The following SLC41A2 variants were observed in gnomAD, a reference collection of about 807,000 sequenced individuals.
SLC41A2 encodes SLC41A1-like 1.
A neutral mutation model predicts 58.3 loss-of-function variants in SLC41A2; 32 were observed. That is an observed-to-expected ratio of 0.55 (90% CI 0.41 to 0.74). The LOEUF (loss-of-function observed/expected upper bound fraction) is 0.74. SLC41A2 is among the 30% of genes least tolerant of loss of function. The pLI is 0.00. For missense variants in SLC41A2, 514 were observed against 680.6 expected (o/e 0.76, Z 2.72); for synonymous variants, 190 against 235.0 (o/e 0.81, Z 1.75).
rs79787524 is a variant in SLC41A2 at position 104,823,973 on chromosome 12, A to G, written c.1537-18636T>C. Among the ~76,000 whole-genome samples, 366 of 152,348 alleles carry G rather than the reference A, an allele frequency of 2.4e-3. 1 individual carries two copies. Among genetic ancestry groups the G allele is most frequent in the African/African-American group, 8.3e-3 (344 of 41,588 alleles). ...GACAGATATTTTAATCTACTTCACT[A>G]TAGTAACCATTTTACTATCTATATG... On this transcript the variant is annotated intron_variant, in intron 10 of 10. Coordinates refer to ENST00000258538, the MANE Select transcript of SLC41A2 (RefSeq NM_001352171.3).
rs932142565 is a variant in SLC41A2, at chr12:104,804,939, C to T, written c.*213G>A. 1.0e-5 allele frequency: 4 copies of T among 385,998 alleles called. No homozygotes were observed. Among genetic ancestry groups the T allele is most frequent in the Admixed American group, 4.2e-5 (1 of 24,030 alleles). 23.9% of individuals were successfully genotyped at this position (385,998 alleles called of 1,614,324 possible). A position where few individuals can be genotyped will look rare whatever the true frequency, so the allele number is the denominator to read the frequency against. On this transcript the variant is annotated 3_prime_UTR_variant, in exon 11 of 11. Coordinates refer to ENST00000258538, the MANE Select transcript of SLC41A2 (RefSeq NM_001352171.3). The stretch of plus-strand genomic sequence containing the variant: ...TATATCTATGTCTATGTCAAATTAT[C>T]ATTTATTCTATGAAAAGCAGCACGA...
chr12:104,886,192 A>T, intron 6 of SLC41A2, 101 bp downstream of exon 6: 1 of 1,250,994 alleles, frequency 8.0e-7, no homozygotes, highest in Non-Finnish European at 1.1e-6. Flanking sequence ...CAGCAGTTCT[A>T]ATGCAAATGA....
intron 3 of SLC41A2, among the ~76,000 whole-genome samples, chr12:104,901,875 G>A (rs1217136923): frequency 1.3e-5 from 2 of 152,144 alleles, no homozygotes; most frequent in Non-Finnish European, 2.9e-5. Context: ...TGAGTAGACT[G>A]TATCTTATGA....
At chr12:104,953,665 A>G (rs1387579302) in intron 1 of SLC41A2, among the ~76,000 whole-genome samples, 1 of 152,198 alleles carries the variant, frequency 6.6e-6, no homozygotes, top group African/African-American at 2.4e-5. Flanking sequence ...AGGTAAATTA[A>G]GAAAGAACAG....
intron 3 of SLC41A2, among the ~76,000 whole-genome samples, chr12:104,895,667 G>A (rs1212669180): frequency 6.6e-6 from 1 of 152,084 alleles, no homozygotes; most frequent in Non-Finnish European, 1.5e-5. Flanking sequence ...CAAATTTTGT[G>A]TATTGAGGTC....
At chr12:104,875,465 TG>T (rs1444308970) in intron 6 of SLC41A2, among the ~76,000 whole-genome samples, 1 of 152,146 alleles carries the variant, frequency 6.6e-6, no homozygotes, top group African/African-American at 2.4e-5. Flanking sequence ...TGTCTTTGTC[TG>T]GAAAATTGGT....
At chr12:104,903,298 T>A (rs1217420106) in intron 3 of SLC41A2, among the ~76,000 whole-genome samples, 1 of 152,228 alleles carries the variant, frequency 6.6e-6, no homozygotes, top group Non-Finnish European at 1.5e-5. Context: ...CATTAACTCC[T>A]CTGTTTAAAA....
At chr12:104,887,183 T>A (rs991755563) in intron 5 of SLC41A2, among the ~76,000 whole-genome samples, 1 of 151,870 alleles carries the variant, frequency 6.6e-6, no homozygotes, top group African/African-American at 2.4e-5. Flanking sequence ...ATTAAGAGGA[T>A]GTAGTAAAGA....
chr12:104,933,197 T>C (rs529092343), intron 1 of SLC41A2, among the ~76,000 whole-genome samples: 1 of 151,598 alleles, frequency 6.6e-6, no homozygotes, highest in African/African-American at 2.4e-5. Flanking sequence ...AAACAAATGA[T>C]CCCATCAGAA....
chr12:104,922,459 A>G (rs2046642345), intron 2 of SLC41A2, among the ~76,000 whole-genome samples: 1 of 151,730 alleles, frequency 6.6e-6, no homozygotes, highest in Non-Finnish European at 1.5e-5. Flanking sequence ...TCAATTCAGC[A>G]AGAAGACATA....
chr12:104,821,924 A>G (rs71468232), intron 10 of SLC41A2, among the ~76,000 whole-genome samples: 4 of 152,232 alleles, frequency 2.6e-5, no homozygotes, highest in Non-Finnish European at 5.9e-5. Context: ...TTAGAATTTT[A>G]AAAGATATCA....
At chr12:104,907,783 T>G (rs931500663) in intron 3 of SLC41A2, among the ~76,000 whole-genome samples, 8 of 152,336 alleles carry the variant, frequency 5.3e-5, no homozygotes, top group Middle Eastern at 3.4e-3. Flanking sequence ...TAATAGTGCT[T>G]ATTCCATAGG....
intron 2 of SLC41A2, among the ~76,000 whole-genome samples, chr12:104,911,390 A>G (rs1325759920): frequency 6.6e-6 from 1 of 152,200 alleles, no homozygotes; most frequent in Non-Finnish European, 1.5e-5. Context: ...ACACATGATA[A>G]TGAAAATAAC....
intron 10 of SLC41A2, among the ~76,000 whole-genome samples, chr12:104,823,209 T>A (rs1046201960): frequency 1.3e-5 from 2 of 152,096 alleles, no homozygotes; most frequent in Admixed American, 1.3e-4. Flanking sequence ...GAGTAGAGAA[T>A]AAAAGGATGT....
intron 5 of SLC41A2, 124 bp downstream of exon 5, chr12:104,888,909 G>T: frequency 9.8e-7 from 1 of 1,017,478 alleles, no homozygotes; most frequent in South Asian, 2.1e-5. Flanking sequence ...CATTTTTTAA[G>T]TTTGTAGATA....
At chr12:104,856,629 T>G (rs1386617534) in intron 8 of SLC41A2, among the ~76,000 whole-genome samples, 1 of 152,148 alleles carries the variant, frequency 6.6e-6, no homozygotes, top group Non-Finnish European at 1.5e-5. Context: ...CCGGAAAAGT[T>G]AAAATAATTG....
At chr12:104,815,230 A>AT (rs1269454483) in intron 10 of SLC41A2, among the ~76,000 whole-genome samples, 2 of 152,190 alleles carry the variant, frequency 1.3e-5, no homozygotes, top group African/African-American at 2.4e-5. Flanking sequence ...TAAATGCAAC[A>AT]TTTTTTGTTT....
chr12:104,863,346 G>C (rs1215395036), intron 7 of SLC41A2, among the ~76,000 whole-genome samples: 1 of 152,062 alleles, frequency 6.6e-6, no homozygotes. Context: ...GAGGCAGGAG[G>C]GTTGTTTGAG....
intron 10 of SLC41A2, among the ~76,000 whole-genome samples, chr12:104,834,677 G>T (rs2042148873): frequency 6.7e-6 from 1 of 149,792 alleles, no homozygotes; most frequent in African/African-American, 2.5e-5. Flanking sequence ...TTAGCATCAT[G>T]ATTTAAAAAA....
Sources: allele counts gnomAD v4.1 joint callset (sites outside exome capture counted in the v4.1 genomes callset), GRCh38; gene constraint gnomAD v4.1.1; transcripts MANE v1.5; gene names NCBI Gene and HGNC (gene_info 2026-07-23, HGNC 2026-07-21).